MEI4: variants seen among roughly 807,000 people sequenced by gnomAD.
The protein encoded by MEI4 is meiotic double-stranded break formation protein 4, also known as meiosis-specific protein MEI4.
In MEI4, 27 loss-of-function variants were observed where a neutral mutation model predicts 31.4. That is an observed-to-expected ratio of 0.86 (90% CI 0.63 to 1.19). MEI4 has a LOEUF of 1.19. Ranked by LOEUF, MEI4 falls within the 50% of genes most tolerant of loss-of-function variation. MEI4 has a pLI of 0.00. For synonymous variants in MEI4, 122 were observed against 145.4 expected, an observed-to-expected ratio of 0.84 and a Z score of 1.16; for missense variants, 329 against 398.9, an observed-to-expected ratio of 0.82 and a Z score of 1.49.
At chr6:77,882,304 T>A (rs1771508207) in intron 4 of MEI4, among the ~76,000 whole-genome samples, 1 of 152,200 alleles carries the variant, frequency 6.6e-6, no homozygotes, top group African/African-American at 2.4e-5. Context: ...GAATTATTGG[T>A]GTTTTAAATA....
In MEI4 at chr6:77,741,255, C is replaced by G. The variant is rs866319379; in HGVS notation, c.233-19875C>G. 2.6e-5 allele frequency among the ~76,000 whole-genome samples: 4 copies of G among 152,276 alleles called. No homozygotes were observed. The Middle Eastern group carries it at 0.01, about 388-fold the overall frequency. On this transcript the variant is annotated intron_variant, in intron 2 of 4. Transcript: ENST00000684080. ...GCTGGAGAAGGACGAAGGGGCCACA[C>G]AGTGAAAGGCTTTCTGGGCAAAACT...
chr6:77,835,392 AC>A (rs1770191240), intron 4 of MEI4, among the ~76,000 whole-genome samples: 2 of 136,886 alleles, frequency 1.5e-5, no homozygotes, highest in Admixed American at 7.3e-5. Context: ...ACACACACAC[AC>A]ACACACACAC....
chr6:77,754,353 C>T (rs1767860189), intron 2 of MEI4, among the ~76,000 whole-genome samples: 1 of 152,192 alleles, frequency 6.6e-6, no homozygotes, highest in South Asian at 2.1e-4. Context: ...TTTGCTAAAG[C>T]ATAGCAAGAG....
rs559252562 is a variant in MEI4, at chr6:77,694,980, T to C, written c.232+4077T>C. 1.6e-3 allele frequency among the ~76,000 whole-genome samples: 248 copies of C among 151,868 alleles called. 1 individual carries two copies. The highest frequency in any genetic ancestry group is 5.7e-3 in the African/African-American group (238 of 41,416). On this transcript the variant is annotated intron_variant, in intron 2 of 4. Transcript: ENST00000684080. Reference sequence around the variant, plus strand: ...CTAACTGGTGTGAGATGGTATCTCATTGTGGTTTTGATTTGCATTTCTCTG... The same window carrying C: ...CTAACTGGTGTGAGATGGTATCTCACTGTGGTTTTGATTTGCATTTCTCTG...
intron 3 of MEI4, among the ~76,000 whole-genome samples, chr6:77,778,789 A>G (rs1397459120): frequency 6.6e-6 from 1 of 152,124 alleles, no homozygotes; most frequent in African/African-American, 2.4e-5. Context: ...TAAGGATTTG[A>G]CATGGAGAAA....
chr6:77,734,272 G>A (rs1005269845), intron 2 of MEI4, among the ~76,000 whole-genome samples: 2 of 151,746 alleles, frequency 1.3e-5, no homozygotes, highest in Non-Finnish European at 2.9e-5. Context: ...AAGTCTCTTT[G>A]TAGGTCACTC....
chr6:77,702,048 A>C (rs549323730), intron 2 of MEI4, among the ~76,000 whole-genome samples: 12 of 152,210 alleles, frequency 7.9e-5, no homozygotes, highest in Non-Finnish European at 1.6e-4. Flanking sequence ...TTGCTTTCTC[A>C]TCTTGTATAA....
At chr6:77,651,826 T>G (rs1278700617), upstream of MEI4, among the ~76,000 whole-genome samples, 1 of 152,164 alleles carries the variant, frequency 6.6e-6, no homozygotes, top group Non-Finnish European at 1.5e-5. Context: ...TTGATAACCA[T>G]GAGTATGTTT....
At chr6:77,915,658 C>A (rs183628714) in intron 4 of MEI4, among the ~76,000 whole-genome samples, 15 of 151,742 alleles carry the variant, frequency 9.9e-5, no homozygotes, top group African/African-American at 3.6e-4. Flanking sequence ...ATTGTTATAT[C>A]TTCTTTCTAA....
intron 3 of MEI4, among the ~76,000 whole-genome samples, chr6:77,793,562 T>C (rs1768996052): frequency 6.6e-6 from 1 of 152,098 alleles, no homozygotes; most frequent in Admixed American, 6.6e-5. Flanking sequence ...GAGAAAATTG[T>C]CAAATATAAT....
chr6:77,817,943 T>C lies in MEI4; in HGVS notation c.769-10988T>C, dbSNP rs1769725519. Among the ~76,000 whole-genome samples, 3 of 152,178 alleles carry C rather than the reference T, an allele frequency of 2.0e-5. No individual in the cohort carries two copies. The South Asian group carries it at 6.2e-4, about 32-fold the overall frequency. On this transcript the variant is annotated intron_variant, in intron 3 of 4. Coordinates refer to ENST00000684080, the MANE Select transcript of MEI4 (RefSeq NM_001322247.2). ...CTTACTTCTTTCTGCTCACTGTCCATTATTTGTTTTTTTGGCAGCAACTTG... is the reference window on the plus strand; with the variant it reads ...CTTACTTCTTTCTGCTCACTGTCCACTATTTGTTTTTTTGGCAGCAACTTG...
intron 4 of MEI4, among the ~76,000 whole-genome samples, chr6:77,877,241 A>ATG (rs56962264): frequency 0.39 from 58,253 of 150,626 alleles, 12,004 homozygotes; most frequent in African/African-American, 0.54. Context: ...TACCAACAGG[A>ATG]TGTGTGTGTG....
At position 77,923,369 on chromosome 6, in the gene MEI4, A is replaced by G; in HGVS notation, c.*23A>G. On this transcript the variant is annotated 3_prime_UTR_variant, in exon 5 of 5. Transcript: ENST00000684080. ...TAACTCCATTCCTTAGCAATTTACC[A>G]CGTTTGAAGCATAATAAAGTAGAAT... 2 of 1,227,850 alleles carry G rather than the reference A, an allele frequency of 1.6e-6. No individual in the cohort carries two copies. The highest frequency in any genetic ancestry group is 2.0e-6 in the Non-Finnish European group (2 of 984,686). The allele number at this position is 1,227,850 out of a possible 1,614,324, so 76.1% of individuals were successfully genotyped here.
chr6:77,682,130 A>G (rs1190220379), intron 1 of MEI4, among the ~76,000 whole-genome samples: 6 of 152,224 alleles, frequency 3.9e-5, no homozygotes, highest in Non-Finnish European at 7.3e-5. Flanking sequence ...TAGCATTGCC[A>G]GCTCTGCTTC....
chr6:77,842,005 C>T (rs1171961397), intron 4 of MEI4, among the ~76,000 whole-genome samples: 1 of 152,048 alleles, frequency 6.6e-6, no homozygotes, highest in South Asian at 2.1e-4. Flanking sequence ...GGTTTCATTA[C>T]TCCTCTCTCA....
At chr6:77,699,000 C>G (rs1461027697) in intron 2 of MEI4, among the ~76,000 whole-genome samples, 5 of 151,862 alleles carry the variant, frequency 3.3e-5, no homozygotes, top group African/African-American at 1.2e-4. Context: ...CTTCCCTTCT[C>G]GCTTCATTTC....
At chr6:77,869,176 C>T (rs1202202512) in intron 4 of MEI4, among the ~76,000 whole-genome samples, 1 of 151,982 alleles carries the variant, frequency 6.6e-6, no homozygotes, top group African/African-American at 2.4e-5. Context: ...AGAGAAAAAG[C>T]AAATACATAT....
chr6:77,812,878 G>A (rs1480291008), intron 3 of MEI4, among the ~76,000 whole-genome samples: 1 of 151,918 alleles, frequency 6.6e-6, no homozygotes, highest in East Asian at 1.9e-4. Context: ...AGGTGTAGAA[G>A]TATCTCCAAA....
chr6:77,680,171 C>A (rs13192737), intron 1 of MEI4, among the ~76,000 whole-genome samples: 21,314 of 142,162 alleles, frequency 0.15, 1,696 homozygotes, highest in East Asian at 0.28. Flanking sequence ...CCCAGCTACT[C>A]AGGAGGCTGA....
Sources: gnomAD v4.1 joint callset for allele counts (sites outside exome capture counted in the v4.1 genomes callset) on GRCh38, gnomAD v4.1.1 for gene constraint, MANE v1.5 for transcripts, NCBI Gene and HGNC (gene_info 2026-07-23, HGNC 2026-07-21) for gene names.